Variants in ARHGAP15 observed in about 807,000 individuals in gnomAD.
The protein encoded by ARHGAP15 is Rho GTPase activating protein 15.
In ARHGAP15, 51 loss-of-function variants were observed where a neutral mutation model predicts 63.7. That is an observed-to-expected ratio of 0.80 (90% CI 0.64 to 1.01). The LOEUF (loss-of-function observed/expected upper bound fraction) is 1.01, where lower values mean the gene tolerates loss of function less well. Ranked by LOEUF, ARHGAP15 falls within the 50% of genes least tolerant of loss-of-function variation. ARHGAP15 has a pLI of 0.00. For synonymous variants in ARHGAP15, 191 were observed against 193.8 expected (o/e 0.99, Z 0.12); for missense variants, 560 against 564.6 (o/e 0.99, Z 0.08).
chr2:143,515,744 G>A (rs1693785939), intron 9 of ARHGAP15, among the ~76,000 whole-genome samples: 1 of 152,116 alleles, frequency 6.6e-6, no homozygotes, highest in Non-Finnish European at 1.5e-5. Flanking sequence ...CTAAAAACAA[G>A]AAAGAAGGTG....
chr2:143,291,832 T>G (rs1410404677), intron 6 of ARHGAP15, among the ~76,000 whole-genome samples: 1 of 152,120 alleles, frequency 6.6e-6, no homozygotes, highest in Non-Finnish European at 1.5e-5. Context: ...GAGCTGAGAC[T>G]AGCGCTGAAA....
chr2:143,202,008 C>T, intron 2 of ARHGAP15, 126 bp from the exon 3 acceptor site: 2 of 759,518 alleles, frequency 2.6e-6, no homozygotes, highest in South Asian at 3.1e-5. Flanking sequence ...AAAACATTTA[C>T]TTCTCATTTT....
chr2:143,735,124 T>C (rs550758788), intron 13 of ARHGAP15, among the ~76,000 whole-genome samples: 7 of 152,386 alleles, frequency 4.6e-5, no homozygotes, highest in Admixed American at 1.3e-4. Flanking sequence ...TACTTTGCTT[T>C]GTTTTAAACG....
chr2:143,300,845 G>A lies in ARHGAP15; in HGVS notation c.474+50245G>A, dbSNP rs115201581. Among the ~76,000 whole-genome samples the A allele has an allele frequency of 3.8e-3, 581 of 152,132 alleles. 5 individuals are homozygous for A. The highest frequency in any genetic ancestry group is 0.013 in the African/African-American group (532 of 41,532). ...AGAGGAATTTGGCACTCTTGGGTGTGTTACATATTAAATTACTACAGGACC... is the reference window on the plus strand; with the variant it reads ...AGAGGAATTTGGCACTCTTGGGTGTATTACATATTAAATTACTACAGGACC... On this transcript the variant is annotated intron_variant, in intron 6 of 13. Coordinates refer to ENST00000295095, the MANE Select transcript of ARHGAP15 (RefSeq NM_018460.4).
At chr2:143,621,239 T>C (rs1449689576) in intron 11 of ARHGAP15, among the ~76,000 whole-genome samples, 2 of 152,226 alleles carry the variant, frequency 1.3e-5, no homozygotes, top group South Asian at 2.1e-4. Flanking sequence ...GTCAATAGTG[T>C]GGTGCTTTTG....
intron 13 of ARHGAP15, among the ~76,000 whole-genome samples, chr2:143,708,021 G>T (rs1392969885): frequency 6.6e-6 from 1 of 152,140 alleles, no homozygotes; most frequent in South Asian, 2.1e-4. Context: ...TGGTATAGGA[G>T]GAGACATTGA....
At chr2:143,188,286 T>C (rs1691526074) in intron 2 of ARHGAP15, among the ~76,000 whole-genome samples, 1 of 152,132 alleles carries the variant, frequency 6.6e-6, no homozygotes, top group Non-Finnish European at 1.5e-5. Context: ...ATGTCAATAA[T>C]TATATAAACA....
At chr2:143,251,792 C>A (rs72851544) in intron 6 of ARHGAP15, among the ~76,000 whole-genome samples, 3,788 of 152,034 alleles carry the variant, frequency 0.025, 77 homozygotes, top group Non-Finnish European at 0.042. Context: ...GTCCTGAAAT[C>A]AATGCTCTAA....
At chr2:143,648,878 G>A (rs1259910505) in intron 12 of ARHGAP15, 1 of 151,906 alleles carries the variant, frequency 6.6e-6, no homozygotes, top group Non-Finnish European at 1.5e-5. Flanking sequence ...TTGCCATTCT[G>A]GGAGTGAACA....
chr2:143,365,839 G>A (rs910909788), intron 6 of ARHGAP15, among the ~76,000 whole-genome samples: 10 of 152,126 alleles, frequency 6.6e-5, no homozygotes, highest in Admixed American at 6.5e-5. Flanking sequence ...ATATTCCGAA[G>A]ATCAATGACA....
chr2:143,730,921 G>GAAAAAAAAA (rs1685500758), intron 13 of ARHGAP15, among the ~76,000 whole-genome samples: 1 of 118,332 alleles, frequency 8.5e-6, no homozygotes, highest in Admixed American at 1.1e-4. Context: ...AAAAAAAAGG[G>GAAAAAAAAA]AAAAAGGCTT....
At chr2:143,313,339 AAAATT>A (rs1683535275) in intron 6 of ARHGAP15, among the ~76,000 whole-genome samples, 1 of 152,200 alleles carries the variant, frequency 6.6e-6, no homozygotes, top group Admixed American at 6.5e-5. Flanking sequence ...TTATGGATAG[AAAATT>A]AAATACCCGC....
chr2:143,256,270 TAGA>T lies in ARHGAP15; in HGVS notation c.474+5675_474+5677del, dbSNP rs566210169. ...TGAGGGAAATTCCAGATATGAATTTTAGAAGAATAGGGTTGAGAGAGGTAAATA... is the reference window on the plus strand; with the variant it reads ...TGAGGGAAATTCCAGATATGAATTTTAGAATAGGGTTGAGAGAGGTAAATA... On this transcript the variant is annotated intron_variant, in intron 6 of 13. Coordinates refer to ENST00000295095, the MANE Select transcript of ARHGAP15 (RefSeq NM_018460.4). 3.5e-3 allele frequency among the ~76,000 whole-genome samples: 527 copies of T among 152,256 alleles called. 2 individuals carry two copies. Among genetic ancestry groups the T allele is most frequent in the African/African-American group, 0.012 (508 of 41,560 alleles).
intron 6 of ARHGAP15, among the ~76,000 whole-genome samples, chr2:143,392,100 G>A (rs1687561043): frequency 6.6e-6 from 1 of 152,124 alleles, no homozygotes; most frequent in African/African-American, 2.4e-5. Context: ...GCTCTGAATG[G>A]TCAGTTTCCA....
At chr2:143,575,947 A>G (rs1696664175) in intron 11 of ARHGAP15, among the ~76,000 whole-genome samples, 1 of 152,120 alleles carries the variant, frequency 6.6e-6, no homozygotes, top group Non-Finnish European at 1.5e-5. Flanking sequence ...GGAATACTCA[A>G]TTTAGCCTTC....
At chr2:143,180,386 C>T (rs1050259829) in intron 2 of ARHGAP15, among the ~76,000 whole-genome samples, 1 of 152,232 alleles carries the variant, frequency 6.6e-6, no homozygotes, top group Non-Finnish European at 1.5e-5. Flanking sequence ...TAGTTACATC[C>T]TCAGGCTCCA....
chr2:143,405,775 C>T (rs1006759782), intron 6 of ARHGAP15, among the ~76,000 whole-genome samples: 1 of 151,826 alleles, frequency 6.6e-6, no homozygotes, highest in Non-Finnish European at 1.5e-5. Context: ...TCATTTCTAC[C>T]AGGACCCTAG....
intron 2 of ARHGAP15, among the ~76,000 whole-genome samples, chr2:143,162,664 A>G (rs1347047464): frequency 2.0e-5 from 3 of 152,092 alleles, no homozygotes; most frequent in Admixed American, 2.0e-4. Context: ...TGTGCCAGCA[A>G]CTATGCTTTT....
chr2:143,555,262 C>A (rs1208131376), intron 10 of ARHGAP15, among the ~76,000 whole-genome samples: 1 of 152,018 alleles, frequency 6.6e-6, no homozygotes, highest in Non-Finnish European at 1.5e-5. Flanking sequence ...TCATTTTATG[C>A]CAGTAAAGTG....
Sources: gnomAD v4.1 joint callset for allele counts (sites outside exome capture counted in the v4.1 genomes callset) on GRCh38, gnomAD v4.1.1 for gene constraint, MANE v1.5 for transcripts, NCBI Gene and HGNC (gene_info 2026-07-23, HGNC 2026-07-21) for gene names.